Variants in TNNT3 observed in about 807,000 individuals in gnomAD.
TNNT3 encodes troponin T3, fast skeletal type, also known as troponin T, fast skeletal muscle.
In TNNT3, 36 loss-of-function variants were observed where a neutral mutation model predicts 54.2. That is an observed-to-expected ratio of 0.66 (90% confidence interval 0.51 to 0.88). The LOEUF is 0.88. Ranked by LOEUF, TNNT3 falls within the 40% of genes least tolerant of loss-of-function variation. The pLI is 0.00. For missense variants in TNNT3, 291 were observed against 331.6 expected, an observed-to-expected ratio of 0.88 and a Z score of 0.95; for synonymous variants, 120 against 109.7, an observed-to-expected ratio of 1.09 and a Z score of -0.59.
chr11:1,923,628 C>G (rs375214921), intron 4 of TNNT3, 56 bp downstream of exon 4: 55 of 1,412,478 alleles, frequency 3.9e-5, no homozygotes, highest in Non-Finnish European at 4.6e-5. Context: ...CTTAACCCCC[C>G]TCTCCCGTGT....
intron 6 of TNNT3, 29 bp from the exon 7 acceptor site, chr11:1,929,091 G>A (rs1178615451): frequency 6.2e-7 from 1 of 1,613,138 alleles, no homozygotes; most frequent in African/African-American, 1.3e-5. Flanking sequence ...TCTCTTGCAT[G>A]TGTGCTTGTG....
intron 8 of TNNT3, among the ~76,000 whole-genome samples, 188 bp downstream of exon 8, chr11:1,930,016 G>A (rs894332737): frequency 6.6e-6 from 1 of 152,226 alleles, no homozygotes; most frequent in Admixed American, 6.5e-5. Flanking sequence ...GAGGGCCAGG[G>A]CCAGATGCCT....
intron 9 of TNNT3, among the ~76,000 whole-genome samples, chr11:1,932,896 C>T (rs1472076609): frequency 1.3e-5 from 2 of 150,828 alleles, no homozygotes; most frequent in African/African-American, 4.9e-5. Context: ...ATCCATCCAA[C>T]CAGCCACGTA....
chr11:1,922,709 C>A, intron 1 of TNNT3, 148 bp from the exon 2 acceptor site: 1 of 740,308 alleles, frequency 1.4e-6, no homozygotes, highest in East Asian at 2.7e-5. Flanking sequence ...AGGAGGTGGA[C>A]TCACCCAAGG....
At position 1,925,301 on chromosome 11, in the gene TNNT3, C is replaced by T. The variant is rs777373981; in HGVS notation, c.67+185C>T. 5.0e-6 allele frequency: 8 copies of T among 1,587,560 alleles called. No individual in the cohort carries two copies. In the South Asian group the frequency reaches 9.2e-5, roughly 18 times the overall value. ...GGTATGAGGACACAGGACTTCTTGT[C>T]CCCATGTGGGGCCCGGGGCCTGGCT... On this transcript the variant is annotated intron_variant, in intron 5 of 15. Coordinates refer to ENST00000278317, the MANE Select transcript of TNNT3 (RefSeq NM_006757.4).
intron 14 of TNNT3, among the ~76,000 whole-genome samples, chr11:1,936,471 G>A (rs938683827): frequency 6.6e-6 from 1 of 152,180 alleles, no homozygotes; most frequent in Non-Finnish European, 1.5e-5. Flanking sequence ...ACCTTCCCAG[G>A]AGCTCCGCCT....
chr11:1,934,023 C>G lies in TNNT3; in HGVS notation c.366+15C>G, dbSNP rs748158766. 1 of 1,609,170 alleles carries G rather than the reference C, an allele frequency of 6.2e-7. No individual in the cohort carries two copies. The highest frequency in any genetic ancestry group is 1.1e-5 in the South Asian group (1 of 90,890). ...ACAGACTGGCGGTGAGGGCACCATC[C>G]GCACTGCTGCCTCATCAGAGAATGA... On this transcript the variant is annotated intron_variant, in intron 11 of 15. Coordinates refer to ENST00000278317, the MANE Select transcript of TNNT3 (RefSeq NM_006757.4).
chr11:1,925,440 G>A (rs959905116), intron 5 of TNNT3: 55 of 753,876 alleles, frequency 7.3e-5, no homozygotes, highest in Admixed American at 1.1e-4. Context: ...CGCGGCCAAT[G>A]CTTGACCAGA....
intron 8 of TNNT3, 67 bp from the exon 9 acceptor site, chr11:1,932,402 C>T (rs995715411): frequency 1.3e-5 from 20 of 1,529,520 alleles, no homozygotes; most frequent in African/African-American, 1.1e-4. Context: ...GCGGGGAAAG[C>T]GCCAGGCTGA....
chr11:1,937,040 C>G (rs1161462482), intron 15 of TNNT3, 37 bp downstream of exon 15: 1 of 1,567,178 alleles, frequency 6.4e-7, no homozygotes, highest in East Asian at 2.3e-5. Flanking sequence ...GCACTGGGCA[C>G]AGGGGCCCTT....
At chr11:1,924,737 C>T (rs908965405) in intron 4 of TNNT3, among the ~76,000 whole-genome samples, 1 of 152,178 alleles carries the variant, frequency 6.6e-6, no homozygotes, top group Non-Finnish European at 1.5e-5. Context: ...GGTTCTGTCC[C>T]CGTTCTCACT....
At position 1,928,414 on chromosome 11, in the gene TNNT3, C is replaced by T. The variant is rs189227821; in HGVS notation, c.83-706C>T. Among the ~76,000 whole-genome samples the T allele has an allele frequency of 2.5e-4, 38 of 152,310 alleles. 1 individual carries two copies. In the East Asian group the frequency reaches 6.6e-3, roughly 26 times the overall value. ...CCCAGAGGTGGCCAGGGAGAGGTAG[C>T]AGGGGGGTCCCAGAGGGGCCCAGTC... On this transcript the variant is annotated intron_variant, in intron 6 of 15. Coordinates refer to ENST00000278317, the MANE Select transcript of TNNT3 (RefSeq NM_006757.4).
intron 14 of TNNT3, 98 bp downstream of exon 14, chr11:1,935,017 A>C: frequency 6.9e-6 from 8 of 1,165,128 alleles, no homozygotes; most frequent in Non-Finnish European, 1.0e-5. Flanking sequence ...GGACCTGCCC[A>C]CCCCAGGGAC....
chr11:1,932,928 C>T (rs1324567376), intron 9 of TNNT3, among the ~76,000 whole-genome samples: 1 of 145,974 alleles, frequency 6.9e-6, no homozygotes, highest in Non-Finnish European at 1.5e-5. Context: ...ATTCATCCAT[C>T]CATCCACCCA....
At chr11:1,937,075 C>T in intron 15 of TNNT3, 72 bp downstream of exon 15, 1 of 1,492,520 alleles carries the variant, frequency 6.7e-7, no homozygotes, top group East Asian at 2.4e-5. Context: ...TAGCCAGTCC[C>T]TAACAAGGGC....
intron 5 of TNNT3, chr11:1,925,364 G>A (rs1851278776): frequency 6.8e-7 from 1 of 1,464,002 alleles, no homozygotes; most frequent in Non-Finnish European, 9.3e-7. Context: ...GGGAGAGGGT[G>A]GGGAAGCCAC....
chr11:1,933,340 T>G (rs1853993497), intron 9 of TNNT3, among the ~76,000 whole-genome samples: 1 of 152,198 alleles, frequency 6.6e-6, no homozygotes, highest in Admixed American at 6.6e-5. Flanking sequence ...AGCTCATCTG[T>G]TCACATGCCT....
chr11:1,932,391 A>C, intron 8 of TNNT3, 78 bp from the exon 9 acceptor site: 1 of 1,448,594 alleles, frequency 6.9e-7, no homozygotes, highest in Non-Finnish European at 9.7e-7. Context: ...GGCAGGGGCC[A>C]GCGGGGAAAG....
At chr11:1,922,019 C>A (rs1282583369) in intron 1 of TNNT3, among the ~76,000 whole-genome samples, 5 of 152,312 alleles carry the variant, frequency 3.3e-5, no homozygotes, top group Admixed American at 2.0e-4. Context: ...TCCCCGGGAC[C>A]AGGGAAAGCG....
Sources: gnomAD v4.1 joint callset for allele counts (sites outside exome capture counted in the v4.1 genomes callset) on GRCh38, gnomAD v4.1.1 for gene constraint, MANE v1.5 for transcripts, NCBI Gene and HGNC (gene_info 2026-07-23, HGNC 2026-07-21) for gene names.